TNFSF4: variants seen among roughly 807,000 people sequenced by gnomAD.
The protein encoded by TNFSF4 is TNF superfamily member 4.
Under a neutral mutation model 7.3 loss-of-function variants are expected in TNFSF4, and 4 were observed. The ratio of observed to expected loss-of-function variants is 0.55; its 90% CI spans 0.27 to 1.25. TNFSF4 has a LOEUF of 1.25. Ranked by LOEUF, TNFSF4 falls within the 50% of genes most tolerant of loss-of-function variation. TNFSF4 has a pLI of 0.12. For missense variants in TNFSF4, 181 were observed against 208.8 expected, an observed-to-expected ratio of 0.87 and a Z score of 0.82; for synonymous variants, 76 against 83.7, an observed-to-expected ratio of 0.91 and a Z score of 0.50.
At chr1:173,390,543 C>A in the TNFSF4 span, among the ~76,000 whole-genome samples, 19 of 152,164 alleles carry the variant, frequency 1.2e-4, no homozygotes, top group African/African-American at 4.6e-4. Context: ...GTCCACCATA[C>A]TGCATGAAAT....
chr1:173,309,653 A>T, the TNFSF4 span, among the ~76,000 whole-genome samples: 1 of 151,590 alleles, frequency 6.6e-6, no homozygotes, highest in East Asian at 1.9e-4. Flanking sequence ...TCCTTTCTTT[A>T]ATGTCCTTAT....
At chr1:173,221,965 T>G in the TNFSF4 span, among the ~76,000 whole-genome samples, 1 of 152,222 alleles carries the variant, frequency 6.6e-6, no homozygotes, top group African/African-American at 2.4e-5. Flanking sequence ...CAAGGCTTTA[T>G]GTAAGGGTTA....
the TNFSF4 span, among the ~76,000 whole-genome samples, chr1:173,304,487 AG>A: frequency 6.6e-6 from 1 of 151,976 alleles, no homozygotes; most frequent in Non-Finnish European, 1.5e-5. Context: ...GTTGCTCATG[AG>A]GGAAAAGTCC....
downstream of TNFSF4, among the ~76,000 whole-genome samples, chr1:173,182,546 T>C (rs1649073490): frequency 6.6e-6 from 1 of 152,134 alleles, no homozygotes; most frequent in African/African-American, 2.4e-5. Flanking sequence ...AGACGTAAAA[T>C]AGGAATTATA....
At chr1:173,428,260 T>C in the TNFSF4 span, among the ~76,000 whole-genome samples, 1 of 152,242 alleles carries the variant, frequency 6.6e-6, no homozygotes, top group African/African-American at 2.4e-5. Context: ...TATAATCTTA[T>C]GGGACTACCA....
the TNFSF4 span, among the ~76,000 whole-genome samples, chr1:173,385,723 C>T: frequency 6.6e-6 from 1 of 152,150 alleles, no homozygotes; most frequent in African/African-American, 2.4e-5. Context: ...CCTGTAATCC[C>T]AGCTTCTTGG....
chr1:173,181,216 A>C (rs1557874581), downstream of TNFSF4, among the ~76,000 whole-genome samples: 2 of 152,234 alleles, frequency 1.3e-5, no homozygotes, highest in Non-Finnish European at 2.9e-5. Context: ...TGACCTTTAG[A>C]GATTACCTTC....
At chr1:173,324,819 C>A in the TNFSF4 span, among the ~76,000 whole-genome samples, 9 of 152,104 alleles carry the variant, frequency 5.9e-5, no homozygotes, top group Non-Finnish European at 1.2e-4. Flanking sequence ...ACTAACTATC[C>A]TAAATATATA....
At chr1:173,382,874 TCACA>T in the TNFSF4 span, among the ~76,000 whole-genome samples, 16 of 91,204 alleles carry the variant, frequency 1.8e-4, no homozygotes, top group East Asian at 6.5e-4. Context: ...TTTACTGTTT[TCACA>T]CACACACACA....
chr1:173,345,909 G>GT, the TNFSF4 span, among the ~76,000 whole-genome samples: 1 of 152,234 alleles, frequency 6.6e-6, no homozygotes, highest in Non-Finnish European at 1.5e-5. Flanking sequence ...CAGCAGAGTG[G>GT]TAAGTCCTAG....
the TNFSF4 span, chr1:173,362,604 G>A: frequency 2.0e-6 from 1 of 500,918 alleles, no homozygotes; most frequent in South Asian, 1.6e-5. Flanking sequence ...CCAACTCCTG[G>A]GTAAGTTTTG....
chr1:173,302,006 A>T, the TNFSF4 span, among the ~76,000 whole-genome samples: 1 of 152,008 alleles, frequency 6.6e-6, no homozygotes, highest in Admixed American at 6.6e-5. Context: ...GGAGAAAAAA[A>T]GCTAAAAGAA....
At chr1:173,296,259 A>G in the TNFSF4 span, among the ~76,000 whole-genome samples, 1 of 151,996 alleles carries the variant, frequency 6.6e-6, no homozygotes, top group East Asian at 1.9e-4. Flanking sequence ...GATGTCATCA[A>G]GCACAGCTAC....
chr1:173,323,421 A>G, the TNFSF4 span, among the ~76,000 whole-genome samples: 1 of 151,964 alleles, frequency 6.6e-6, no homozygotes, highest in Non-Finnish European at 1.5e-5. Context: ...GTAAAAACAG[A>G]GCAGAAAAAC....
At chr1:173,273,270 T>A in the TNFSF4 span, among the ~76,000 whole-genome samples, 1 of 152,166 alleles carries the variant, frequency 6.6e-6, no homozygotes, top group Non-Finnish European at 1.5e-5. Context: ...AGCTTCACCA[T>A]AAATTTGATG....
chr1:173,354,906 T>C, the TNFSF4 span, among the ~76,000 whole-genome samples: 1 of 152,354 alleles, frequency 6.6e-6, no homozygotes, highest in East Asian at 1.9e-4. Context: ...CTATTGCTGC[T>C]ATAATAAATT....
chr1:173,399,489 A>G, the TNFSF4 span, among the ~76,000 whole-genome samples: 1 of 152,172 alleles, frequency 6.6e-6, no homozygotes, highest in Non-Finnish European at 1.5e-5. Flanking sequence ...AGTATACAGT[A>G]ATTCATGATC....
the TNFSF4 span, among the ~76,000 whole-genome samples, chr1:173,432,682 C>G: frequency 6.6e-6 from 1 of 151,560 alleles, no homozygotes; most frequent in African/African-American, 2.4e-5. Flanking sequence ...TATGGCAACA[C>G]TGACAAAATT....
the TNFSF4 span, among the ~76,000 whole-genome samples, chr1:173,226,417 A>AT: frequency 1.4e-4 from 22 of 152,322 alleles, 1 homozygote; most frequent in Non-Finnish European, 1.0e-4. Context: ...TAAAACATGA[A>AT]TATGCCATAT....
Sources: allele counts gnomAD v4.1 joint callset (sites outside exome capture counted in the v4.1 genomes callset), GRCh38; gene constraint gnomAD v4.1.1; transcripts MANE v1.5; gene names NCBI Gene and HGNC (gene_info 2026-07-23, HGNC 2026-07-21).